NCF4: variants seen among roughly 807,000 people sequenced by gnomAD.
NCF4 encodes the protein neutrophil cytosolic factor 4.
In NCF4, 30 loss-of-function variants were observed where a neutral mutation model predicts 41.7. The ratio of observed to expected loss-of-function variants is 0.72; its 90% CI spans 0.54 to 0.97. The LOEUF (loss-of-function observed/expected upper bound fraction) is 0.97, where lower values mean the gene tolerates loss of function less well. Ranked by LOEUF, NCF4 falls within the 50% of genes least tolerant of loss-of-function variation. The probability of loss-of-function intolerance (pLI) is 0.00; values close to 1 mark genes in which losing one functional copy is unlikely to be tolerated. For missense variants in NCF4, 432 were observed against 460.9 expected, an observed-to-expected ratio of 0.94 and a Z score of 0.57; for synonymous variants, 195 against 175.8, an observed-to-expected ratio of 1.11 and a Z score of -0.87.
At chr22:36,871,913 G>A (rs888356359) in intron 6 of NCF4, among the ~76,000 whole-genome samples, 12 of 152,256 alleles carry the variant, frequency 7.9e-5, no homozygotes, top group South Asian at 2.1e-4. Flanking sequence ...TGTGACCAGC[G>A]TGCGGAGCCA....
At chr22:36,873,449 T>G (rs936638818) in intron 7 of NCF4, among the ~76,000 whole-genome samples, 2 of 151,708 alleles carry the variant, frequency 1.3e-5, no homozygotes, top group African/African-American at 4.8e-5. Flanking sequence ...CTTCAGGCAT[T>G]GTATGCTTCA....
chr22:36,876,313 G>A (rs1400125782), intron 9 of NCF4, among the ~76,000 whole-genome samples: 2 of 152,164 alleles, frequency 1.3e-5, no homozygotes, highest in African/African-American at 2.4e-5. Flanking sequence ...GCTCACGCAG[G>A]TTGTGGGTTT....
At chr22:36,873,631 G>T (rs1016594723) in intron 7 of NCF4, among the ~76,000 whole-genome samples, 6 of 152,276 alleles carry the variant, frequency 3.9e-5, no homozygotes, top group Non-Finnish European at 7.4e-5. Flanking sequence ...CTGAAAAATG[G>T]GTTGCTTAGG....
rs10671614 is a variant in NCF4, at chr22:36,867,142, T to TGTGTGTGCGC, written c.272-249_272-248insTGTGTGCGCG. Among the ~76,000 whole-genome samples the TGTGTGTGCGC allele has an allele frequency of 1.2e-3, 181 of 150,666 alleles. 1 individual carries two copies. The highest frequency in any genetic ancestry group is 4.1e-3 in the African/African-American group (166 of 40,610). ...GTGTGTGTGTGTGTGTGTGTGTGTG[T>TGTGTGTGCGC]GCGCTTGGATGAACAGGCAGTAAAT... On this transcript the variant is annotated intron_variant, in intron 3 of 9. Coordinates refer to ENST00000248899, the MANE Select transcript of NCF4 (RefSeq NM_000631.5).
At chr22:36,872,455 ATTGAAGGTGAGG>A (rs1940082095) in intron 7 of NCF4, 30 bp downstream of exon 7, 16 of 1,516,040 alleles carry the variant, frequency 1.1e-5, no homozygotes, top group Non-Finnish European at 1.4e-5. Context: ...TGGAGGTGAG[ATTGAAGGTGAGG>A]TTGGAGGGAA....
At chr22:36,876,808 T>C (rs931531123) in intron 9 of NCF4, among the ~76,000 whole-genome samples, 2 of 152,372 alleles carry the variant, frequency 1.3e-5, no homozygotes, top group African/African-American at 2.4e-5. Context: ...CTTTGAATGA[T>C]TTTCAAGAAG....
At chr22:36,875,903 T>G in intron 8 of NCF4, 120 bp downstream of exon 8, 1 of 1,614,176 alleles carries the variant, frequency 6.2e-7, no homozygotes, top group Non-Finnish European at 8.5e-7. Context: ...GGCTCCCAGA[T>G]GAGCCACAAT....
Position 36,876,732 on chromosome 22 carries a change from ACTACT to A in NCF4, c.824+642_824+646del, listed in dbSNP as rs35472760. Among the ~76,000 whole-genome samples, 243 of 152,238 alleles carry A rather than the reference ACTACT, an allele frequency of 1.6e-3. 1 individual carries two copies. The highest frequency in any genetic ancestry group is 5.7e-3 in the African/African-American group (238 of 41,526). The stretch of plus-strand genomic sequence containing the variant: ...CTCTTAGGATTTCTTCTGCTTTTTT[ACTACT>A]CTAAACAACATTGTACAGACCATCT... On this transcript the variant is annotated intron_variant, in intron 9 of 9. Coordinates refer to ENST00000248899, the MANE Select transcript of NCF4 (RefSeq NM_000631.5).
intron 6 of NCF4, 23 bp from the exon 7 acceptor site, chr22:36,872,304 C>G: frequency 6.5e-7 from 1 of 1,534,976 alleles, no homozygotes; most frequent in Non-Finnish European, 9.0e-7. Context: ...CTCCTTCCCT[C>G]CTTACTGCAC....
At position 36,865,477 on chromosome 22, in the gene NCF4, T is replaced by G. The variant is rs774280974; in HGVS notation, c.271+405T>G. Among the ~76,000 whole-genome samples, 1 of 152,144 alleles carries G rather than the reference T, an allele frequency of 6.6e-6. No homozygotes were observed. The highest frequency in any genetic ancestry group is 2.4e-5 in the African/African-American group (1 of 41,420). ...CCTCCCACGAGACCAGCCCTCTGAC[T>G]TCATGGTCTTGGCTTCCAGCGTCCC... On this transcript the variant is annotated intron_variant, in intron 3 of 9. Transcript: ENST00000248899. The surrounding 1 kb of genome is among the most constrained non-coding windows in gnomAD (Gnocchi z 4.3).
At chr22:36,867,840 G>A (rs972371983) in intron 4 of NCF4, among the ~76,000 whole-genome samples, 2 of 152,162 alleles carry the variant, frequency 1.3e-5, no homozygotes, top group African/African-American at 2.4e-5. Context: ...AAGATCACAC[G>A]GAGACATATG....
At chr22:36,872,192 C>T (rs1299167833) in intron 6 of NCF4, 135 bp from the exon 7 acceptor site, 1 of 788,982 alleles carries the variant, frequency 1.3e-6, no homozygotes, top group East Asian at 2.6e-5. Flanking sequence ...ATGGGGTGGC[C>T]TCAGAGAAGT....
At position 36,865,055 on chromosome 22, in the gene NCF4, C is replaced by A. The variant is rs112306225; in HGVS notation, c.254C>A (p.Thr85Asn). 3,431 of 1,612,074 alleles carry A rather than the reference C, an allele frequency of 2.1e-3. 12 individuals are homozygous for A. Among genetic ancestry groups the A allele is most frequent in the African/African-American group, 8.5e-3 (638 of 75,024 alleles). The change falls in exon 3 of 10, where the codon ACC (threonine) becomes AAC (asparagine). Residue 85 changes from threonine (T) to asparagine (N), a missense_variant. Thr to Asn is a moderately conservative substitution (Grantham distance 65, BLOSUM62 0). Transcript: ENST00000248899. The surrounding 1 kb of genome is among the most constrained non-coding windows in gnomAD (Gnocchi z 4.3). ...PDSKSSALAC[T>N]LPTLPAKVYV... ...AGCAAGAGCAGTGCCCTGGCCTGTA[C>A]CCTGCCCACACTCCCAGGTAGGCGG...
chr22:36,865,840 C>T lies in NCF4; in HGVS notation c.271+768C>T, dbSNP rs1222345600. The stretch of plus-strand genomic sequence containing the variant: ...TTTTTCTGTCTCTGTTTCTGTCTCT[C>T]TCTGTCTCAGCATATGACCCCGCTC... On this transcript the variant is annotated intron_variant, in intron 3 of 9. Coordinates refer to ENST00000248899, the MANE Select transcript of NCF4 (RefSeq NM_000631.5). This position sits in a 1 kb window ranked among gnomAD's most constrained non-coding sequence, Gnocchi z 4.3. Among the ~76,000 whole-genome samples the T allele has an allele frequency of 2.0e-5, 3 of 152,126 alleles. No individual in the cohort carries two copies. The highest frequency in any genetic ancestry group is 7.2e-5 in the African/African-American group (3 of 41,426).
intron 4 of NCF4, among the ~76,000 whole-genome samples, chr22:36,868,899 A>G (rs1238926515): frequency 6.6e-6 from 1 of 152,076 alleles, no homozygotes; most frequent in East Asian, 1.9e-4. Flanking sequence ...CTCCGCCCTG[A>G]CCCAGGCTGC....
chr22:36,870,345 G>A, intron 4 of NCF4, 70 bp from the exon 5 acceptor site: 1 of 1,608,020 alleles, frequency 6.2e-7, no homozygotes, highest in Non-Finnish European at 8.5e-7. Context: ...TCGGGGACGG[G>A]ACATCTAGGC....
Position 36,865,066 on chromosome 22 carries a change from C to T in NCF4, c.265C>T (p.Leu89Phe), listed in dbSNP as rs1462763677. The change falls in exon 3 of 10, where the codon CTC becomes TTC. Residue 89 changes from leucine (L) to phenylalanine (F), a missense_variant. Transcript: ENST00000248899. This position sits in a 1 kb window ranked among gnomAD's most constrained non-coding sequence, Gnocchi z 4.3. ...TGCCCTGGCCTGTACCCTGCCCACA[C>T]TCCCAGGTAGGCGGCCACTCCCGTC... ...SSALACTLPT[L>F]PAKVYVGVKQ... 20 of 1,610,958 alleles carry T rather than the reference C, an allele frequency of 1.2e-5. No individual in the cohort carries two copies. Among genetic ancestry groups the T allele is most frequent in the Non-Finnish European group, 1.7e-5 (20 of 1,180,020 alleles).
At chr22:36,869,071 G>A (rs1403334701) in intron 4 of NCF4, among the ~76,000 whole-genome samples, 4 of 152,196 alleles carry the variant, frequency 2.6e-5, no homozygotes, top group Admixed American at 6.5e-5. Context: ...CTTGATACAC[G>A]TTTATTGATA....
chr22:36,867,142 T>TGTGTGTGCGCGC (rs10671614), intron 3 of NCF4, among the ~76,000 whole-genome samples: 19 of 150,670 alleles, frequency 1.3e-4, no homozygotes, highest in African/African-American at 4.4e-4. Context: ...TGTGTGTGTG[T>TGTGTGTGCGCGC]GCGCTTGGAT....
Sources: allele counts gnomAD v4.1 joint callset (sites outside exome capture counted in the v4.1 genomes callset), GRCh38; gene constraint gnomAD v4.1.1; non-coding constraint Gnocchi (gnomAD v3.1); transcripts MANE v1.5; gene names NCBI Gene and HGNC (gene_info 2026-07-23, HGNC 2026-07-21).